PRKAG2: variants seen among roughly 807,000 people sequenced by gnomAD.
The protein encoded by PRKAG2 is protein kinase AMP-activated non-catalytic subunit gamma 2.
Under a neutral mutation model 69.6 loss-of-function variants are expected in PRKAG2, and 26 were observed. The observed-to-expected ratio is 0.37, with a 90% confidence interval of 0.27 to 0.52. The LOEUF is 0.52. Ranked by LOEUF, PRKAG2 falls within the 20% of genes least tolerant of loss-of-function variation. The pLI is 0.90. For missense variants in PRKAG2, 557 were observed against 740.0 expected (o/e 0.75, Z 2.87); for synonymous variants, 293 against 285.0 (o/e 1.03, Z -0.28).
Position 151,562,465 on chromosome 7 carries a change from T to TTAATAATAA in PRKAG2, c.1584+1604_1584+1612dup, listed in dbSNP as rs137999193. On this transcript the variant is annotated intron_variant, in intron 14 of 15. Coordinates refer to ENST00000287878, the MANE Select transcript of PRKAG2 (RefSeq NM_016203.4). ...TGTTTCTGTCATAGGTTGCTTTAGG[T>TTAATAATAA]TAATAATAATAATAATAATAATGGC... is the stretch of plus-strand genomic sequence containing the variant. Among the ~76,000 whole-genome samples the TTAATAATAA allele has an allele frequency of 7.2e-3, 1,083 of 149,594 alleles. 9 individuals are homozygous for TTAATAATAA. The highest frequency in any genetic ancestry group is 0.024 in the African/African-American group (979 of 40,658).
chr7:151,683,135 C>G (rs943829067), intron 3 of PRKAG2, among the ~76,000 whole-genome samples: 6 of 152,256 alleles, frequency 3.9e-5, no homozygotes, highest in African/African-American at 1.4e-4. Flanking sequence ...AGCGAGGGAA[C>G]AGAAACTGCT....
chr7:151,861,816 G>T (rs1338191262), intron 1 of PRKAG2, among the ~76,000 whole-genome samples: 1 of 152,002 alleles, frequency 6.6e-6, no homozygotes, highest in East Asian at 1.9e-4. Context: ...CCAGTGAACT[G>T]CCCAATAGGA....
chr7:151,671,768 G>A (rs891005857), intron 4 of PRKAG2, among the ~76,000 whole-genome samples: 1 of 152,254 alleles, frequency 6.6e-6, no homozygotes, highest in Non-Finnish European at 1.5e-5. Context: ...TGTGAATGAC[G>A]CAGGTGAAGG....
chr7:151,749,393 AT>A (rs1456313491), intron 3 of PRKAG2, among the ~76,000 whole-genome samples: 1 of 152,158 alleles, frequency 6.6e-6, no homozygotes, highest in Non-Finnish European at 1.5e-5. Flanking sequence ...TGCTTCCTCC[AT>A]TTCAGTAAGC....
intron 4 of PRKAG2, chr7:151,675,122 T>A: frequency 5.2e-6 from 2 of 381,674 alleles, no homozygotes; most frequent in Non-Finnish European, 1.0e-5. Context: ...GGTTTTGCCA[T>A]GTTGGCCAGG....
chr7:151,786,627 C>A, intron 1 of PRKAG2, 86 bp from the exon 2 acceptor site: 4 of 1,061,522 alleles, frequency 3.8e-6, no homozygotes, highest in East Asian at 2.5e-5. Context: ...GTCACCTCCC[C>A]CTTCCTGAGA....
At position 151,813,982 on chromosome 7, in the gene PRKAG2, A is replaced by C. The variant is rs78843039; in HGVS notation, c.115-27441T>G. On this transcript the variant is annotated intron_variant, in intron 1 of 15. Transcript: ENST00000287878. ...ACTCAGGAAGGGCAAGGCCAGGCAA[A>C]GAATGACAACTTCGCTAAGATTTCA... 2.3e-3 allele frequency among the ~76,000 whole-genome samples: 347 copies of C among 152,310 alleles called. 15 individuals are homozygous for C. In the East Asian group the frequency reaches 0.062, roughly 27 times the overall value.
intron 4 of PRKAG2, among the ~76,000 whole-genome samples, chr7:151,658,441 C>T (rs571488750): frequency 1.4e-5 from 2 of 146,628 alleles, no homozygotes; most frequent in East Asian, 2.0e-4. Context: ...GCCAAGATCA[C>T]GCCATTGCAC....
intron 3 of PRKAG2, among the ~76,000 whole-genome samples, chr7:151,732,832 A>G (rs1799180437): frequency 6.6e-6 from 1 of 152,148 alleles, no homozygotes; most frequent in South Asian, 2.1e-4. Context: ...AGCTGGGATT[A>G]CAGGCACCTG....
At chr7:151,602,053 T>C (rs990697124) in intron 5 of PRKAG2, among the ~76,000 whole-genome samples, 3 of 152,232 alleles carry the variant, frequency 2.0e-5, no homozygotes, top group African/African-American at 7.2e-5. Flanking sequence ...CAGCAAGCTC[T>C]CATGAGAGCG....
In PRKAG2 at chr7:151,771,778, G is replaced by A. The variant is rs891138847; in HGVS notation, c.466+9374C>T. On this transcript the variant is annotated intron_variant, in intron 3 of 15. Transcript: ENST00000287878. The surrounding 1 kb of genome is among the most constrained non-coding windows in gnomAD (Gnocchi z 4.0). ...TTGGAGTGGGAAGCTGTATGGAAGT[G>A]GTCATCTTGATGTCATCAATGATAA... is the stretch of plus-strand genomic sequence containing the variant. 5.9e-5 allele frequency among the ~76,000 whole-genome samples: 9 copies of A among 152,278 alleles called. No homozygotes were observed. The highest frequency in any genetic ancestry group is 3.9e-4 in the Admixed American group (6 of 15,298).
chr7:151,686,267 G>A (rs1398512086), intron 3 of PRKAG2, among the ~76,000 whole-genome samples: 1 of 152,186 alleles, frequency 6.6e-6, no homozygotes, highest in African/African-American at 2.4e-5. Context: ...GGTTGGACAT[G>A]TTTTGGAACC....
chr7:151,682,470 A>G (rs748872829), intron 3 of PRKAG2, among the ~76,000 whole-genome samples: 8 of 152,152 alleles, frequency 5.3e-5, no homozygotes, highest in Non-Finnish European at 1.0e-4. Context: ...AACTCCTGGT[A>G]TCAAGTCACC....
rs79683643 is a variant in PRKAG2 at position 151,631,810 on chromosome 7, G to A, written c.754+259C>T. ...GCGAGTAAGGACAAAAGGGCCGCCC[G>A]TCCGTGTGGATGCCGGGCTCAGGGC... is the stretch of plus-strand genomic sequence containing the variant. On this transcript the variant is annotated intron_variant, in intron 5 of 15. Coordinates refer to ENST00000287878, the MANE Select transcript of PRKAG2 (RefSeq NM_016203.4). The A allele has an allele frequency of 6.8e-3, 3,336 of 494,202 alleles. 76 individuals carry two copies. Among genetic ancestry groups the A allele is most frequent in the African/African-American group, 0.057 (2,891 of 51,054 alleles). The allele number at this position is 494,202 out of a possible 1,614,324, so 30.6% of individuals were successfully genotyped here.
At position 151,719,875 on chromosome 7, in the gene PRKAG2, TTC is replaced by T. The variant is rs1563516785; in HGVS notation, c.467-44240_467-44239del. Among the ~76,000 whole-genome samples the T allele has an allele frequency of 6.6e-6, 1 of 152,070 alleles. No individual in the cohort carries two copies. Among genetic ancestry groups the T allele is most frequent in the Non-Finnish European group, 1.5e-5 (1 of 68,014 alleles). On this transcript the variant is annotated intron_variant, in intron 3 of 15. Transcript: ENST00000287878. The surrounding 1 kb of genome is among the most constrained non-coding windows in gnomAD (Gnocchi z 5.2). Reference sequence around the variant, plus strand: ...CTGGCCCCTGTGCCTACTGAGGTAGTTCTGTTATTTCACTGAGGCCGCCACAT... The same window carrying T: ...CTGGCCCCTGTGCCTACTGAGGTAGTTGTTATTTCACTGAGGCCGCCACAT...
At chr7:151,596,822 T>C (rs921577346) in intron 5 of PRKAG2, among the ~76,000 whole-genome samples, 2 of 152,102 alleles carry the variant, frequency 1.3e-5, no homozygotes, top group African/African-American at 2.4e-5. Context: ...CTTGTGTTCA[T>C]GGATTGGAAG....
chr7:151,603,732 G>C (rs1816804434), intron 5 of PRKAG2, among the ~76,000 whole-genome samples: 1 of 152,190 alleles, frequency 6.6e-6, no homozygotes, highest in Middle Eastern at 3.4e-3. Flanking sequence ...TTAATCACCT[G>C]AGTGAAGTCA....
intron 4 of PRKAG2, among the ~76,000 whole-genome samples, chr7:151,670,038 GCA>G (rs750395436): frequency 2.9e-4 from 36 of 125,974 alleles, no homozygotes; most frequent in African/African-American, 7.2e-4. Context: ...ACACCTGCAT[GCA>G]CACACACCTG....
At chr7:151,749,139 T>C (rs1347050611) in intron 3 of PRKAG2, among the ~76,000 whole-genome samples, 1 of 148,872 alleles carries the variant, frequency 6.7e-6, no homozygotes, top group Admixed American at 6.6e-5. Flanking sequence ...GCAAGAGAAC[T>C]GGATTAACCA....
Sources: allele counts gnomAD v4.1 joint callset (sites outside exome capture counted in the v4.1 genomes callset), GRCh38; gene constraint gnomAD v4.1.1; non-coding constraint Gnocchi (gnomAD v3.1); transcripts MANE v1.5; gene names NCBI Gene and HGNC (gene_info 2026-07-23, HGNC 2026-07-21).